The following VAMP7 variants were observed in gnomAD, a reference collection of about 807,000 sequenced individuals.
VAMP7 encodes vesicle-associated membrane protein 7.
Under a neutral mutation model 29.6 loss-of-function variants are expected in VAMP7, and 14 were observed. The observed-to-expected ratio is 0.47, with a 90% CI of 0.31 to 0.74. The LOEUF (loss-of-function observed/expected upper bound fraction) is 0.74, where lower values mean the gene tolerates loss of function less well. VAMP7 is among the 30% of genes least tolerant of loss of function. The probability of loss-of-function intolerance (pLI) is 0.05; values close to 1 mark genes in which losing one functional copy is unlikely to be tolerated. For synonymous variants in VAMP7, 95 were observed against 88.1 expected, an observed-to-expected ratio of 1.08 and a Z score of -0.44; for missense variants, 223 against 262.4, an observed-to-expected ratio of 0.85 and a Z score of 1.04.
At chrX:155,908,544 G>GGAGACCGTGGGGAGAGT (rs1556336977) in intron 5 of VAMP7, among the ~76,000 whole-genome samples, 13 of 152,160 alleles carry the variant, frequency 8.5e-5, no homozygotes, top group African/African-American at 2.6e-4. Context: ...AGAGGGAGAG[G>GGAGACCGTGGGGAGAGT]GAGACCGTGG....
At chrX:155,925,212 TCCTC>T (rs1460944745) in intron 6 of VAMP7, among the ~76,000 whole-genome samples, 1 of 152,148 alleles carries the variant, frequency 6.6e-6, no homozygotes, top group East Asian at 1.9e-4. Flanking sequence ...TATTTTGACT[TCCTC>T]CCACGAATCA....
rs1218439183 is a variant in VAMP7, at chrX:155,943,118, A to G, written c.*1167A>G. 2 of 148,540 alleles carry G rather than the reference A, an allele frequency of 1.3e-5. No homozygotes were observed. Among genetic ancestry groups the G allele is most frequent in the Admixed American group, 6.9e-5 (1 of 14,580 alleles). The allele number at this position is 148,540 out of a possible 1,614,324, so 9.2% of individuals were successfully genotyped here. A position where few individuals can be genotyped will look rare whatever the true frequency, so the allele number is the denominator to read the frequency against. On this transcript the variant is annotated 3_prime_UTR_variant, in exon 8 of 8. Transcript: ENST00000286448. ...AAAATTGGACTGTAATCATATCGCT[A>G]CTGGCATCTGTTATCTAGTATGCAT...
chrX:155,895,490 G>A, intron 2 of VAMP7, 133 bp from the exon 3 acceptor site: 1 of 609,412 alleles, frequency 1.6e-6, no homozygotes, highest in Non-Finnish European at 3.0e-6. Context: ...AAGGGGAAGA[G>A]GGAGAAGAGA....
At chrX:155,888,989 A>C (rs929699521) in intron 1 of VAMP7, among the ~76,000 whole-genome samples, 1 of 152,186 alleles carries the variant, frequency 6.6e-6, no homozygotes, top group African/African-American at 2.4e-5. Flanking sequence ...GCACATAGTA[A>C]ACAATAAATA....
At chrX:155,918,898 A>G (rs754397430) in intron 5 of VAMP7, among the ~76,000 whole-genome samples, 311 of 152,264 alleles carry the variant, frequency 2.0e-3, no homozygotes, top group African/African-American at 7.2e-3. Context: ...ATTTGCATGC[A>G]TTGAATCATC....
intron 5 of VAMP7, among the ~76,000 whole-genome samples, chrX:155,908,362 G>A (rs2066181445): frequency 6.6e-6 from 1 of 152,202 alleles, no homozygotes; most frequent in Non-Finnish European, 1.5e-5. Context: ...CTGGAGACCA[G>A]CCCGGCCAAC....
chrX:155,892,600 T>C (rs1275739302), intron 2 of VAMP7, among the ~76,000 whole-genome samples: 1 of 152,156 alleles, frequency 6.6e-6, no homozygotes, highest in African/African-American at 2.4e-5. Context: ...TTTAAAAATC[T>C]CACTTTGTGT....
chrX:155,926,732 C>G (rs2066472327), intron 6 of VAMP7, among the ~76,000 whole-genome samples: 1 of 152,220 alleles, frequency 6.6e-6, no homozygotes, highest in Non-Finnish European at 1.5e-5. Flanking sequence ...AGGCCCATCT[C>G]AGCTTTCGAC....
intron 5 of VAMP7, among the ~76,000 whole-genome samples, chrX:155,905,634 G>T (rs780307624): frequency 1.3e-5 from 2 of 152,246 alleles, no homozygotes; most frequent in South Asian, 4.1e-4. Flanking sequence ...ATATACAGTT[G>T]TTCCAGAACC....
chrX:155,900,292 T>G (rs745860102), intron 4 of VAMP7, among the ~76,000 whole-genome samples: 26 of 152,148 alleles, frequency 1.7e-4, no homozygotes, highest in African/African-American at 5.3e-4. Context: ...TACATACTTA[T>G]AGTTTGTATA....
intron 5 of VAMP7, among the ~76,000 whole-genome samples, chrX:155,917,272 G>T (rs76373099): frequency 0.087 from 13,234 of 152,016 alleles, 749 homozygotes; most frequent in South Asian, 0.14. Flanking sequence ...CTTTTTTCAA[G>T]GTCCTTAGTT....
chrX:155,898,081 A>G, intron 3 of VAMP7, 31 bp from the exon 4 acceptor site: 1 of 1,602,936 alleles, frequency 6.2e-7, no homozygotes, highest in Non-Finnish European at 8.5e-7. Context: ...TTTACTTTCT[A>G]AATGTGAGTT....
intron 1 of VAMP7, among the ~76,000 whole-genome samples, chrX:155,888,627 AAAT>A (rs1340542054): frequency 5.9e-5 from 9 of 152,220 alleles, no homozygotes. Flanking sequence ...GACATAAGGA[AAAT>A]AATCTTAAAC....
chrX:155,882,011 C>T (rs905704958), intron 1 of VAMP7, among the ~76,000 whole-genome samples: 7 of 152,156 alleles, frequency 4.6e-5, no homozygotes, highest in Non-Finnish European at 1.0e-4. Flanking sequence ...ATTCTGACTG[C>T]GTACTTTGGT....
In VAMP7 at chrX:155,889,573, T is replaced by C. The variant is rs777066855; in HGVS notation, c.107T>C (p.Ile36Thr). The C allele has an allele frequency of 5.6e-6, 9 of 1,613,934 alleles. No homozygotes were observed. The South Asian group carries it at 8.8e-5, about 16-fold the overall frequency. Residue 36 changes from isoleucine to threonine, a missense_variant, in exon 2 of 8, where the codon ATA becomes ACA. By Grantham distance (89) the Ile-to-Thr change is moderately conservative. Transcript: ENST00000286448. ...GTGACAGAGCAGATTCTGGCTAAGA[T>C]ACCTTCTGAAAATAACAAACTAACG... is the stretch of plus-strand genomic sequence containing the variant. The part of the protein sequence containing the change: ...LEVTEQILAK[I>T]PSENNKLTYS...
At chrX:155,919,748 T>A (rs1305679590) in intron 5 of VAMP7, 65 bp from the exon 6 acceptor site, 62 of 1,452,894 alleles carry the variant, frequency 4.3e-5, no homozygotes, top group South Asian at 1.9e-4. Flanking sequence ...ATTACTTTTT[T>A]AAAAAAAGTT....
intron 5 of VAMP7, among the ~76,000 whole-genome samples, chrX:155,916,445 T>C (rs1238060705): frequency 6.6e-6 from 1 of 152,220 alleles, no homozygotes; most frequent in Non-Finnish European, 1.5e-5. Context: ...AGTTTCTTCA[T>C]AGTGTTGATG....
intron 5 of VAMP7, 95 bp from the exon 6 acceptor site, chrX:155,919,718 C>T: frequency 9.2e-7 from 1 of 1,083,264 alleles, no homozygotes; most frequent in South Asian, 1.3e-5. Context: ...GGCCCCAGGA[C>T]AGTGTATTCA....
At chrX:155,919,209 G>A (rs371028772) in intron 5 of VAMP7, among the ~76,000 whole-genome samples, 7 of 152,128 alleles carry the variant, frequency 4.6e-5, no homozygotes, top group East Asian at 1.9e-4. Flanking sequence ...CTGATTCTGG[G>A]CATTGTTTTG....
Sources: gnomAD v4.1 joint callset for allele counts (sites outside exome capture counted in the v4.1 genomes callset) on GRCh38, gnomAD v4.1.1 for gene constraint, MANE v1.5 for transcripts, NCBI Gene and HGNC (gene_info 2026-07-23, HGNC 2026-07-21) for gene names.